Variants in PCSK5 observed in about 807,000 individuals in gnomAD.
The protein encoded by PCSK5 is prohormone convertase 5.
In PCSK5, 129 loss-of-function variants were observed where a neutral mutation model predicts 233.2. The ratio of observed to expected loss-of-function variants is 0.55; its 90% CI spans 0.48 to 0.64. The LOEUF is 0.64. Ranked by LOEUF, PCSK5 falls within the 30% of genes least tolerant of loss-of-function variation. PCSK5 has a pLI of 0.00. For synonymous variants in PCSK5, 825 were observed against 879.2 expected, an observed-to-expected ratio of 0.94 and a Z score of 1.09; for missense variants, 2,076 against 2,430.1, an observed-to-expected ratio of 0.85 and a Z score of 3.06.
chr9:76,207,275 T>C (rs1173659397), intron 20 of PCSK5, among the ~76,000 whole-genome samples: 1 of 152,202 alleles, frequency 6.6e-6, no homozygotes. Context: ...GACTTGGATA[T>C]CTTTGGAGGC....
intron 20 of PCSK5, among the ~76,000 whole-genome samples, chr9:76,211,803 G>T (rs1825338352): frequency 6.6e-6 from 1 of 152,122 alleles, no homozygotes. Flanking sequence ...AGCTGTGATT[G>T]TGCCTTTGCA....
At chr9:76,302,601 T>C (rs796190096) in intron 28 of PCSK5, among the ~76,000 whole-genome samples, 15 of 152,214 alleles carry the variant, frequency 9.9e-5, no homozygotes, top group African/African-American at 3.1e-4. Flanking sequence ...AAAAACTAAG[T>C]GGTTACCAGC....
chr9:76,327,705 G>A (rs1221986605), intron 32 of PCSK5, among the ~76,000 whole-genome samples: 1 of 152,146 alleles, frequency 6.6e-6, no homozygotes, highest in Non-Finnish European at 1.5e-5. Context: ...TTATTATTTT[G>A]TTGCAGTTTG....
rs765937319 is a variant in PCSK5, at chr9:76,239,089, T to C, written c.2997T>C (p.His999=). 1.9e-6 allele frequency: 3 copies of C among 1,609,008 alleles called. No individual in the cohort carries two copies. Among genetic ancestry groups the C allele is most frequent in the Middle Eastern group, 1.7e-4 (1 of 6,052 alleles). Residue 999 remains histidine (H), a synonymous_variant, in exon 23 of 38, where the codon CAT becomes CAC. Coordinates refer to ENST00000674117, the MANE Select transcript of PCSK5 (RefSeq NM_001372043.1). The stretch of plus-strand genomic sequence containing the variant: ...ACTGTGAGCTTTGCCACAGCGTGCA[T>C]GTCTGCACAAGATGCATGAAGGGCT... ...PDNCELCHSV[H]VCTRCMKGYF...
intron 2 of PCSK5, among the ~76,000 whole-genome samples, chr9:75,974,301 T>C (rs1347542894): frequency 6.6e-6 from 1 of 152,120 alleles, no homozygotes; most frequent in Non-Finnish European, 1.5e-5. Flanking sequence ...CAGGCCTTCT[T>C]CCAGATTTTT....
chr9:76,227,611 T>G lies in PCSK5; in HGVS notation c.2729+6T>G. On this transcript the variant is annotated splice_donor_region_variant and intron_variant, in intron 21 of 37. Coordinates refer to ENST00000674117, the MANE Select transcript of PCSK5 (RefSeq NM_001372043.1). The stretch of plus-strand genomic sequence containing the variant: ...ACTACCTGCCCCATGACAAGGTAAG[T>G]GGCTTCTCAGGATCTCCCGGTGGTG... 1 of 1,593,956 alleles carries G rather than the reference T, an allele frequency of 6.3e-7. No homozygotes were observed. The highest frequency in any genetic ancestry group is 8.6e-7 in the Non-Finnish European group (1 of 1,165,126).
chr9:75,995,341 C>G (rs964802415), intron 3 of PCSK5, among the ~76,000 whole-genome samples: 30 of 152,042 alleles, frequency 2.0e-4, no homozygotes, highest in African/African-American at 7.2e-4. Flanking sequence ...TATAATAGGC[C>G]TTTATAAATG....
intron 20 of PCSK5, among the ~76,000 whole-genome samples, chr9:76,206,425 C>G (rs1334633042): frequency 3.3e-5 from 5 of 152,180 alleles, no homozygotes; most frequent in African/African-American, 1.2e-4. Flanking sequence ...TACGAAACAT[C>G]CCCACCCCAG....
In PCSK5 at chr9:76,095,952, C is replaced by T. The variant is rs772571243; in HGVS notation, c.957C>T (p.Asp319=). 1.2e-6 allele frequency: 2 copies of T among 1,614,026 alleles called. No homozygotes were observed. Among genetic ancestry groups the T allele is most frequent in the East Asian group, 2.2e-5 (1 of 44,870 alleles). Residue 319 remains aspartate, a synonymous_variant, in exon 8 of 38, where the codon GAC becomes GAT. Coordinates refer to ENST00000674117, the MANE Select transcript of PCSK5 (RefSeq NM_001372043.1). The part of the protein sequence containing the change: ...WASGNGGRSK[D]HCSCDGYTNS... ...CTGGAAATGGTGGAAGGAGCAAAGA[C>T]CACTGCTCCTGTGATGGCTACACCA...
rs774099593 is a variant in PCSK5, at chr9:76,328,021, C to A, written c.4352C>A (p.Ser1451Tyr). The change falls in exon 33 of 38, where the codon TCC (serine) becomes TAC (tyrosine). Residue 1451 changes from serine to tyrosine, a missense_variant. Around this residue, in one of 6 missense-constraint regions of PCSK5, gnomAD observed 1,510 missense variants for 1,538.1 expected, o/e 0.98. Transcript: ENST00000674117. The part of the protein sequence containing the change: ...ETKECRDCHK[S>Y]CLTCSSSGTC... ...TCCACGCCCACAGATTGCCACAAGT[C>A]CTGCTTGACCTGCTCATCATCTGGG... is the stretch of plus-strand genomic sequence containing the variant. 1.9e-6 allele frequency: 3 copies of A among 1,611,542 alleles called. No individual in the cohort carries two copies. In the Admixed American group the frequency reaches 5.0e-5, roughly 27 times the overall value.
At chr9:76,280,201 C>T (rs1045701158) in intron 24 of PCSK5, among the ~76,000 whole-genome samples, 1 of 152,100 alleles carries the variant, frequency 6.6e-6, no homozygotes, top group African/African-American at 2.4e-5. Context: ...TTTGGGGCAC[C>T]ATGAACCCCA....
At chr9:76,327,731 C>T (rs757155864) in intron 32 of PCSK5, among the ~76,000 whole-genome samples, 1 of 152,024 alleles carries the variant, frequency 6.6e-6, no homozygotes, top group Non-Finnish European at 1.5e-5. Context: ...TTATAGTGAG[C>T]CTTACTAATA....
chr9:76,093,954 T>G (rs567292060), intron 7 of PCSK5, among the ~76,000 whole-genome samples: 1 of 152,236 alleles, frequency 6.6e-6, no homozygotes, highest in Non-Finnish European at 1.5e-5. Flanking sequence ...TAGTTTGTGA[T>G]GGCTTGGTGA....
At chr9:76,307,204 C>A (rs891351429) in intron 28 of PCSK5, among the ~76,000 whole-genome samples, 1 of 152,152 alleles carries the variant, frequency 6.6e-6, no homozygotes, top group Non-Finnish European at 1.5e-5. Flanking sequence ...CCCTACCCTT[C>A]GGCGGCATAG....
intron 3 of PCSK5, among the ~76,000 whole-genome samples, chr9:75,999,706 C>T (rs1055623910): frequency 6.6e-6 from 1 of 152,234 alleles, no homozygotes; most frequent in Non-Finnish European, 1.5e-5. Flanking sequence ...CCATTATGAA[C>T]ATGTCACAGT....
intron 24 of PCSK5, among the ~76,000 whole-genome samples, chr9:76,247,062 T>C (rs932050051): frequency 3.3e-5 from 5 of 152,214 alleles, no homozygotes; most frequent in Admixed American, 3.3e-4. Context: ...CAGTGACTAG[T>C]GTTCAGCTCG....
At chr9:75,924,644 C>T (rs1034455867) in intron 1 of PCSK5, among the ~76,000 whole-genome samples, 1 of 152,116 alleles carries the variant, frequency 6.6e-6, no homozygotes, top group Non-Finnish European at 1.5e-5. Flanking sequence ...CTCTCTTACT[C>T]TTGGAGATAC....
intron 12 of PCSK5, among the ~76,000 whole-genome samples, chr9:76,166,881 C>T (rs1823108404): frequency 6.6e-6 from 1 of 152,180 alleles, no homozygotes; most frequent in Non-Finnish European, 1.5e-5. Context: ...GCTCCTCTTC[C>T]CCTTCTCTGT....
chr9:76,133,044 A>C (rs1822824611), intron 9 of PCSK5, among the ~76,000 whole-genome samples: 2 of 152,026 alleles, frequency 1.3e-5, no homozygotes. Context: ...AGAGTGCAGA[A>C]AGACTACCCC....
Sources: gnomAD v4.1 joint callset for allele counts (sites outside exome capture counted in the v4.1 genomes callset) on GRCh38, gnomAD v4.1.1 for gene constraint, gnomAD v4.1.1 regional missense constraint, MANE v1.5 for transcripts, NCBI Gene and HGNC (gene_info 2026-07-23, HGNC 2026-07-21) for gene names.